Variants in SLC26A4 observed in about 807,000 individuals in gnomAD.
The protein encoded by SLC26A4 is solute carrier family 26 member 4, also known as pendrin.
In SLC26A4, 93 loss-of-function variants were observed where a neutral mutation model predicts 90.4. That is an observed-to-expected ratio of 1.03 (90% CI 0.87 to 1.22). The LOEUF is 1.22. SLC26A4 is among the 50% of genes most tolerant of loss of function. SLC26A4 has a pLI of 0.00. For synonymous variants in SLC26A4, 393 were observed against 354.6 expected (o/e 1.11, Z -1.22); for missense variants, 1,127 against 946.2 (o/e 1.19, Z -2.51).
At position 107,666,685 on chromosome 7, in the gene SLC26A4, A is replaced by G. The variant is rs183483369; in HGVS notation, c.304+3250A>G. Among the ~76,000 whole-genome samples the G allele has an allele frequency of 4.4e-3, 674 of 152,274 alleles. 2 individuals are homozygous for G. The highest frequency in any genetic ancestry group is 0.016 in the African/African-American group (647 of 41,544). On this transcript the variant is annotated intron_variant, in intron 3 of 20. Coordinates refer to ENST00000644269, the MANE Select transcript of SLC26A4 (RefSeq NM_000441.2). The stretch of plus-strand genomic sequence containing the variant: ...AGGCCCTGAGGCCAGAAAACTTAGC[A>G]TTTTCCAGGGAGGAAGAGGAAGAAT...
At chr7:107,670,745 A>G (rs1015499981) in intron 3 of SLC26A4, among the ~76,000 whole-genome samples, 5 of 152,130 alleles carry the variant, frequency 3.3e-5, no homozygotes, top group African/African-American at 1.2e-4. Context: ...ATGACTCAAG[A>G]GTGAAAAGGC....
At chr7:107,664,833 C>T (rs1790666369) in intron 3 of SLC26A4, among the ~76,000 whole-genome samples, 1 of 152,128 alleles carries the variant, frequency 6.6e-6, no homozygotes, top group Admixed American at 6.5e-5. Flanking sequence ...TGCCCCACCC[C>T]CAACACCCTG....
intron 6 of SLC26A4, among the ~76,000 whole-genome samples, chr7:107,682,136 T>G (rs1791256822): frequency 6.7e-6 from 1 of 149,676 alleles, no homozygotes; most frequent in African/African-American, 2.5e-5. Flanking sequence ...AAAAATTTTT[T>G]TTATGTTATC....
chr7:107,698,655 A>T (rs943341396), intron 14 of SLC26A4, among the ~76,000 whole-genome samples: 4 of 152,170 alleles, frequency 2.6e-5, no homozygotes, highest in African/African-American at 9.7e-5. Flanking sequence ...TTGTAAGAGG[A>T]ATTTAAAAAT....
chr7:107,686,309 C>CCTCCCTTCCCTCCCTTTCCTACCTGCA (rs1213182720), intron 8 of SLC26A4, among the ~76,000 whole-genome samples: 1 of 143,620 alleles, frequency 7.0e-6, no homozygotes, highest in Non-Finnish European at 1.5e-5. Flanking sequence ...CCCTCCCTTC[C>CCTCCCTTCCCTCCCTTTCCTACCTGCA]CTCCCTTCCC....
intron 3 of SLC26A4, among the ~76,000 whole-genome samples, chr7:107,665,458 G>A (rs1584297101): frequency 6.6e-6 from 1 of 152,292 alleles, no homozygotes; most frequent in Admixed American, 6.5e-5. Flanking sequence ...TAAGGGCTGT[G>A]ACATGGTGAC....
intron 3 of SLC26A4, among the ~76,000 whole-genome samples, chr7:107,664,358 A>C (rs1790653101): frequency 6.6e-6 from 1 of 152,134 alleles, no homozygotes; most frequent in Admixed American, 6.5e-5. Flanking sequence ...CAGCCTTCTG[A>C]GTAGCTGGGG....
chr7:107,680,103 CTTA>C (rs1274010007), intron 6 of SLC26A4, among the ~76,000 whole-genome samples: 3 of 87,974 alleles, frequency 3.4e-5, no homozygotes, highest in South Asian at 3.0e-4. Context: ...ATAATCTTAT[CTTA>C]TTATATAATA....
At chr7:107,687,765 G>A (rs1791458070) in intron 8 of SLC26A4, among the ~76,000 whole-genome samples, 1 of 152,202 alleles carries the variant, frequency 6.6e-6, no homozygotes, top group African/African-American at 2.4e-5. Flanking sequence ...AAGTCCGAGT[G>A]ACCTGAAGTA....
At chr7:107,664,362 G>C (rs1167684839) in intron 3 of SLC26A4, among the ~76,000 whole-genome samples, 1 of 152,206 alleles carries the variant, frequency 6.6e-6, no homozygotes, top group Admixed American at 6.5e-5. Flanking sequence ...CTTCTGAGTA[G>C]CTGGGGCTAC....
chr7:107,699,657 G>A (rs182751392), intron 14 of SLC26A4, among the ~76,000 whole-genome samples: 55 of 152,074 alleles, frequency 3.6e-4, no homozygotes, highest in Admixed American at 8.5e-4. Flanking sequence ...GGCCGGGCAC[G>A]GTGGTTCACA....
At chr7:107,692,440 G>C (rs1221150824) in intron 10 of SLC26A4, among the ~76,000 whole-genome samples, 1 of 152,170 alleles carries the variant, frequency 6.6e-6, no homozygotes, top group Non-Finnish European at 1.5e-5. Flanking sequence ...GGGATATTGT[G>C]AGGATTAGGC....
At chr7:107,672,096 A>G (rs1790883685) in intron 3 of SLC26A4, 42 bp from the exon 4 acceptor site, 1 of 1,246,268 alleles carries the variant, frequency 8.0e-7, no homozygotes, top group Non-Finnish European at 1.2e-6. Flanking sequence ...TGCATACTGT[A>G]ACTTTGGTTT....
Position 107,673,840 on chromosome 7 carries a change from C to T in SLC26A4, c.416-324C>T, listed in dbSNP as rs540279943. On this transcript the variant is annotated intron_variant, in intron 4 of 20. Transcript: ENST00000644269. ...ACCTCCCCAGCTCAAGCAATCCCCC[C>T]ACCTCAGCCTCCCGAGTAGCTGGGA... 2.0e-5 allele frequency among the ~76,000 whole-genome samples: 3 copies of T among 152,206 alleles called. No individual in the cohort carries two copies. The East Asian group carries it at 5.8e-4, about 29-fold the overall frequency.
chr7:107,695,815 AAG>A (rs1415657045), intron 12 of SLC26A4, 116 bp from the exon 13 acceptor site: 10 of 744,162 alleles, frequency 1.3e-5, no homozygotes, highest in Non-Finnish European at 2.5e-5. Flanking sequence ...CCTATCTCAA[AAG>A]AAAAAAAAAA....
chr7:107,662,644 T>G (rs1316777991), intron 2 of SLC26A4, among the ~76,000 whole-genome samples: 1 of 152,208 alleles, frequency 6.6e-6, no homozygotes, highest in Non-Finnish European at 1.5e-5. Context: ...CATTTCATGA[T>G]CACACCTTAA....
chr7:107,712,035 A>C (rs973075307), intron 19 of SLC26A4, among the ~76,000 whole-genome samples: 1 of 152,218 alleles, frequency 6.6e-6, no homozygotes, highest in Non-Finnish European at 1.5e-5. Context: ...ATTAAATTAC[A>C]TGCCACCTCT....
intron 6 of SLC26A4, among the ~76,000 whole-genome samples, chr7:107,676,113 C>T (rs1791017737): frequency 6.6e-6 from 1 of 152,140 alleles, no homozygotes; most frequent in African/African-American, 2.4e-5. Flanking sequence ...ACTGGATGGA[C>T]CTTGATTCAT....
Position 107,661,671 on chromosome 7 carries a change from G to A in SLC26A4, c.30G>A (p.Pro10=), listed in dbSNP as rs1453609598. Residue 10 remains proline, a synonymous_variant, in exon 2 of 21, where the codon CCG becomes CCA. Transcript: ENST00000644269. This position sits in a 1 kb window ranked among gnomAD's most constrained non-coding sequence, Gnocchi z 5.1. ...CAGCGCCAGGCGGCAGGTCGGAGCC[G>A]CCGCAGCTCCCCGAGTACAGCTGCA... MAAPGGRSE[P]PQLPEYSCSY... 6.4e-7 allele frequency: 1 copy of A among 1,570,618 alleles called. No homozygotes were observed. Among genetic ancestry groups the A allele is most frequent in the African/African-American group, 1.3e-5 (1 of 74,402 alleles).
Sources: allele counts gnomAD v4.1 joint callset (sites outside exome capture counted in the v4.1 genomes callset), GRCh38; gene constraint gnomAD v4.1.1; non-coding constraint Gnocchi (gnomAD v3.1); transcripts MANE v1.5; gene names NCBI Gene and HGNC (gene_info 2026-07-23, HGNC 2026-07-21).